The following ROBO2 variants were observed in gnomAD, a reference collection of about 807,000 sequenced individuals.
ROBO2 encodes roundabout homolog 2.
Under a neutral mutation model 160.8 loss-of-function variants are expected in ROBO2, and 53 were observed. The ratio of observed to expected loss-of-function variants is 0.33; its 90% CI spans 0.26 to 0.41. ROBO2 has a LOEUF of 0.41. Ranked by LOEUF, ROBO2 falls within the 10% of genes least tolerant of loss-of-function variation. ROBO2 has a pLI of 1.00. For synonymous variants in ROBO2, 664 were observed against 611.7 expected (o/e 1.09, Z -1.26); for missense variants, 1,577 against 1,722.4 (o/e 0.92, Z 1.49).
intron 1 of ROBO2, among the ~76,000 whole-genome samples, chr3:77,065,507 G>C (rs1212196535): frequency 6.6e-6 from 1 of 152,040 alleles, no homozygotes; most frequent in Non-Finnish European, 1.5e-5. Context: ...CAAGTAACAA[G>C]GTTTCTTGCA....
rs574608717 is a variant in ROBO2 at position 77,595,628 on chromosome 3, T to C, written c.2726+444T>C. On this transcript the variant is annotated intron_variant, in intron 18 of 25. Coordinates refer to ENST00000461745, the Ensembl canonical transcript of ROBO2. ...GGATTCCACAACTTTGGATATTCAA[T>C]TGAAATTGATAAAAGCTGATAACAA... is the stretch of plus-strand genomic sequence containing the variant. Among the ~76,000 whole-genome samples, 9 of 152,278 alleles carry C rather than the reference T, an allele frequency of 5.9e-5. 1 individual carries two copies. The South Asian group carries it at 1.9e-3, about 32-fold the overall frequency.
chr3:76,307,692 A>G (rs2107766217), intron 2 of ROBO2, among the ~76,000 whole-genome samples: 1 of 151,878 alleles, frequency 6.6e-6, no homozygotes, highest in East Asian at 2.0e-4. Flanking sequence ...GAGAAGAATA[A>G]CAAAAACTGG....
chr3:77,629,667 A>T (rs2095115539), intron 23 of ROBO2: 1 of 152,222 alleles, frequency 6.6e-6, no homozygotes, highest in African/African-American at 2.4e-5. Context: ...ATATATGTAT[A>T]CTATTTATAT....
rs545661600 is a variant in ROBO2 at position 76,440,305 on chromosome 3, G to T, written c.109+502703G>T. 2.8e-3 allele frequency among the ~76,000 whole-genome samples: 423 copies of T among 151,886 alleles called. 1 individual carries two copies. The highest frequency in any genetic ancestry group is 9.8e-3 in the African/African-American group (407 of 41,430). ...TAGGATACATGTGCACAACGTGCAG[G>T]TTTGTTACATATGTATACATGTGCC... On this transcript the variant is annotated intron_variant, in intron 2 of 26. Coordinates refer to the ROBO2 transcript ENST00000487694.
chr3:77,528,962 T>C (rs2091419145), intron 6 of ROBO2, among the ~76,000 whole-genome samples: 1 of 151,540 alleles, frequency 6.6e-6, no homozygotes, highest in Admixed American at 6.6e-5. Context: ...CACACAAAAT[T>C]AAGAAAAGAA....
intron 2 of ROBO2, among the ~76,000 whole-genome samples, chr3:76,082,357 AT>A: frequency 6.6e-6 from 1 of 152,182 alleles, no homozygotes. Flanking sequence ...GTGTAAAGGC[AT>A]AAAAAGTTAT....
rs2075439871 is a variant in ROBO2, at chr3:76,904,285, A to G, written c.110-193729A>G. ...ATGATTTAATCATGAAAATATAGGA[A>G]TTGCTCATCATACGGAAACTACAAC... is the stretch of plus-strand genomic sequence containing the variant. On this transcript the variant is annotated intron_variant, in intron 2 of 26. Transcript: ENST00000487694. Among the ~76,000 whole-genome samples, 3 of 152,124 alleles carry G rather than the reference A, an allele frequency of 2.0e-5. No individual in the cohort carries two copies. The South Asian group carries it at 6.2e-4, about 31-fold the overall frequency.
At chr3:77,364,920 T>C (rs1160606750) in intron 2 of ROBO2, among the ~76,000 whole-genome samples, 1 of 151,942 alleles carries the variant, frequency 6.6e-6, no homozygotes, top group African/African-American at 2.4e-5. Flanking sequence ...ATAAGCAGTA[T>C]ACCTAGTTAA....
chr3:76,132,396 G>GGT (rs1553653736), intron 2 of ROBO2, among the ~76,000 whole-genome samples: 1 of 91,792 alleles, frequency 1.1e-5, no homozygotes, highest in Non-Finnish European at 1.8e-5. Context: ...CAGACTGTTG[G>GGT]GGGGGGGGGG....
intron 19 of ROBO2, among the ~76,000 whole-genome samples, chr3:77,598,505 G>GCA (rs1559695899): frequency 9.4e-6 from 1 of 105,964 alleles, no homozygotes; most frequent in Non-Finnish European, 1.8e-5. Flanking sequence ...ATATATATAC[G>GCA]CACACACATA....
At chr3:77,372,508 A>T (rs2071918794) in intron 2 of ROBO2, among the ~76,000 whole-genome samples, 1 of 152,304 alleles carries the variant, frequency 6.6e-6, no homozygotes, top group East Asian at 1.9e-4. Flanking sequence ...CAGACAACAG[A>T]TAATCATGTC....
chr3:76,661,074 T>C (rs566690791), intron 2 of ROBO2, among the ~76,000 whole-genome samples: 106 of 152,214 alleles, frequency 7.0e-4, no homozygotes, highest in Middle Eastern at 3.4e-3. Flanking sequence ...TTGAAGTGAG[T>C]AGCTAGACTT....
intron 2 of ROBO2, among the ~76,000 whole-genome samples, chr3:76,898,222 T>A (rs1040793601): frequency 3.3e-5 from 5 of 152,134 alleles, no homozygotes; most frequent in African/African-American, 1.2e-4. Flanking sequence ...ATTTTATTTA[T>A]TAAAGGCTTT....
At chr3:76,692,391 T>G (rs569225063) in intron 2 of ROBO2, among the ~76,000 whole-genome samples, 52 of 152,264 alleles carry the variant, frequency 3.4e-4, no homozygotes, top group African/African-American at 1.1e-3. Flanking sequence ...CTGGTACATT[T>G]GTGCCGAGGA....
chr3:76,900,706 A>C (rs1179532661), intron 2 of ROBO2, among the ~76,000 whole-genome samples: 1 of 152,180 alleles, frequency 6.6e-6, no homozygotes, highest in Admixed American at 6.5e-5. Flanking sequence ...AGAAATAAAC[A>C]TTCCTGTGGC....
intron 2 of ROBO2, among the ~76,000 whole-genome samples, chr3:76,025,146 A>AT (rs1342976099): frequency 6.6e-6 from 1 of 151,528 alleles, no homozygotes; most frequent in Non-Finnish European, 1.5e-5. Context: ...CCCTCCAAGA[A>AT]TTTTTTGCAG....
At chr3:77,062,091 G>C (rs2149775551) in intron 1 of ROBO2, among the ~76,000 whole-genome samples, 1 of 152,228 alleles carries the variant, frequency 6.6e-6, no homozygotes. Flanking sequence ...GTTTTGAGGT[G>C]TTTGGGATCC....
At chr3:77,581,594 T>G (rs2093920680) in intron 16 of ROBO2, among the ~76,000 whole-genome samples, 1 of 152,146 alleles carries the variant, frequency 6.6e-6, no homozygotes, top group African/African-American at 2.4e-5. Context: ...TTGTTTCTGA[T>G]TTCTACTTTA....
intron 22 of ROBO2, among the ~76,000 whole-genome samples, chr3:77,621,885 A>G (rs1455121757): frequency 6.6e-6 from 1 of 152,168 alleles, no homozygotes; most frequent in Non-Finnish European, 1.5e-5. Context: ...AAAGTATAAT[A>G]TTTTTGGAGA....
Sources: allele counts gnomAD v4.1 joint callset (sites outside exome capture counted in the v4.1 genomes callset), GRCh38; gene constraint gnomAD v4.1.1; transcripts MANE v1.5; gene names NCBI Gene and HGNC (gene_info 2026-07-23, HGNC 2026-07-21).